The following SCLT1 variants were observed in gnomAD, a reference collection of about 807,000 sequenced individuals.
SCLT1 encodes the protein sodium channel-associated protein 1.
Under a neutral mutation model 112.8 loss-of-function variants are expected in SCLT1, and 78 were observed. The observed-to-expected ratio is 0.69, with a 90% CI of 0.58 to 0.83. The LOEUF (loss-of-function observed/expected upper bound fraction) is 0.83. Ranked by LOEUF, SCLT1 falls within the 40% of genes least tolerant of loss-of-function variation. The probability of loss-of-function intolerance (pLI) is 0.00; values close to 1 mark genes in which losing one functional copy is unlikely to be tolerated. For synonymous variants in SCLT1, 257 were observed against 254.7 expected (o/e 1.01, Z -0.09); for missense variants, 747 against 770.4 (o/e 0.97, Z 0.36).
downstream of SCLT1, among the ~76,000 whole-genome samples, chr4:128,883,762 C>T (rs17013898): frequency 0.022 from 3,354 of 152,170 alleles, 104 homozygotes; most frequent in African/African-American, 0.073. Context: ...AACCAGGGTG[C>T]GCTAAGTTCA....
At chr4:129,071,706 C>T (rs1419574382) in intron 2 of SCLT1, among the ~76,000 whole-genome samples, 1 of 152,044 alleles carries the variant, frequency 6.6e-6, no homozygotes, top group East Asian at 1.9e-4. Flanking sequence ...TTTAGGTGAG[C>T]CTCCTGAAGG....
chr4:128,897,734 G>C (rs773592364), intron 18 of SCLT1, among the ~76,000 whole-genome samples: 24 of 152,300 alleles, frequency 1.6e-4, no homozygotes, highest in Non-Finnish European at 3.1e-4. Flanking sequence ...TGGCAAATTG[G>C]ATAAAGAGTC....
intron 2 of SCLT1, among the ~76,000 whole-genome samples, chr4:129,069,412 T>C (rs1019014102): frequency 1.3e-5 from 2 of 152,200 alleles, no homozygotes; most frequent in African/African-American, 2.4e-5. Flanking sequence ...GTATGAGATG[T>C]GTTTCTGTTT....
At chr4:128,982,286 C>T (rs964114476) in intron 9 of SCLT1, among the ~76,000 whole-genome samples, 4 of 152,056 alleles carry the variant, frequency 2.6e-5, no homozygotes, top group South Asian at 2.1e-4. Flanking sequence ...GTCGAAGCTA[C>T]GAAAGTGTGC....
chr4:128,995,729 A>G (rs1297895921), intron 8 of SCLT1, among the ~76,000 whole-genome samples: 1 of 151,918 alleles, frequency 6.6e-6, no homozygotes, highest in Non-Finnish European at 1.5e-5. Flanking sequence ...TATCAGCCCA[A>G]TCTGCTGTCT....
chr4:128,996,498 A>T, intron 8 of SCLT1, among the ~76,000 whole-genome samples: 1 of 152,018 alleles, frequency 6.6e-6, no homozygotes, highest in Non-Finnish European at 1.5e-5. Context: ...TTTGATCTTG[A>T]CTCATACTTG....
At chr4:128,927,446 A>G (rs318558) in intron 18 of SCLT1, among the ~76,000 whole-genome samples, 110,016 of 151,652 alleles carry the variant, frequency 0.73, 40,227 homozygotes, top group African/African-American at 0.81. Context: ...GTGGTGGTGG[A>G]CATCTGTGGT....
chr4:129,003,819 G>A lies in SCLT1; in HGVS notation c.348C>T (p.Gly116=), dbSNP rs759557133. The change falls in exon 6 of 21, where the codon GGC becomes GGT. Residue 116 remains glycine, a synonymous_variant. Coordinates refer to ENST00000281142, the MANE Select transcript of SCLT1 (RefSeq NM_144643.4). ...CATATATGTCAGTTCCTACCTCTGT[G>A]CCCAGGGGAAAGGCCTCCAATTTTT... ...VEKKLEAFPL[G]TEVGTDIYAD... The A allele has an allele frequency of 6.2e-6, 10 of 1,611,714 alleles. No homozygotes were observed. The highest frequency in any genetic ancestry group is 4.5e-5 in the East Asian group (2 of 44,744).
chr4:128,894,670 C>G (rs1733597903), intron 18 of SCLT1, among the ~76,000 whole-genome samples: 1 of 151,978 alleles, frequency 6.6e-6, no homozygotes, highest in Non-Finnish European at 1.5e-5. Context: ...ACTCCTATTT[C>G]TCACTTTGTC....
intron 10 of SCLT1, 133 bp from the exon 11 acceptor site, chr4:128,965,451 A>G: frequency 1.5e-6 from 1 of 648,816 alleles, no homozygotes; most frequent in South Asian, 1.9e-5. Context: ...GTTAAAAGAA[A>G]CAATATGACT....
chr4:129,039,995 T>C (rs1747556245), intron 4 of SCLT1: 1 of 545,818 alleles, frequency 1.8e-6, no homozygotes, highest in South Asian at 2.4e-5. Context: ...TAATTCATGA[T>C]TGTGTATTAG....
intron 18 of SCLT1, among the ~76,000 whole-genome samples, chr4:128,916,912 T>C (rs1348773376): frequency 6.6e-6 from 1 of 152,050 alleles, no homozygotes; most frequent in East Asian, 1.9e-4. Context: ...AGAAGCTGAG[T>C]GTACAACTCC....
chr4:129,081,766 T>C (rs1247596525), intron 2 of SCLT1, among the ~76,000 whole-genome samples: 2 of 152,190 alleles, frequency 1.3e-5, no homozygotes, highest in East Asian at 1.9e-4. Flanking sequence ...ATAAAATGCA[T>C]TTATGTAAAA....
chr4:128,927,064 CTAAA>C (rs1231264914), intron 18 of SCLT1, among the ~76,000 whole-genome samples: 1 of 151,076 alleles, frequency 6.6e-6, no homozygotes, highest in Admixed American at 6.6e-5. Context: ...GTAGAAAGTA[CTAAA>C]TAATACAATA....
intron 5 of SCLT1, among the ~76,000 whole-genome samples, chr4:129,029,793 A>C (rs1019895042): frequency 8.5e-5 from 13 of 152,200 alleles, no homozygotes; most frequent in Admixed American, 7.2e-4. Context: ...TACCAAATAC[A>C]TGAGCAACCA....
intron 1 of SCLT1, among the ~76,000 whole-genome samples, chr4:129,091,230 A>AG (rs1752797529): frequency 6.6e-6 from 1 of 152,120 alleles, no homozygotes; most frequent in Non-Finnish European, 1.5e-5. Context: ...TTATCTCTTC[A>AG]TGCAAACGCT....
chr4:128,992,340 T>A (rs529613766), intron 8 of SCLT1, 103 bp from the exon 9 acceptor site: 1 of 689,506 alleles, frequency 1.5e-6, no homozygotes, highest in African/African-American at 1.9e-5. Context: ...TAGTGAGATT[T>A]ATGATAAAGA....
intron 16 of SCLT1, among the ~76,000 whole-genome samples, chr4:128,945,650 T>C: frequency 6.6e-6 from 1 of 152,106 alleles, no homozygotes; most frequent in Non-Finnish European, 1.5e-5. Context: ...AGATGGATCA[T>C]TATAGAATAT....
intron 14 of SCLT1, among the ~76,000 whole-genome samples, chr4:128,950,299 T>C (rs914642366): frequency 6.6e-6 from 1 of 152,146 alleles, no homozygotes; most frequent in African/African-American, 2.4e-5. Context: ...TGTGTAAGTA[T>C]GCTTCATATC....
Sources: gnomAD v4.1 joint callset for allele counts (sites outside exome capture counted in the v4.1 genomes callset) on GRCh38, gnomAD v4.1.1 for gene constraint, MANE v1.5 for transcripts, NCBI Gene and HGNC (gene_info 2026-07-23, HGNC 2026-07-21) for gene names.